ACTR3C: variants seen among roughly 807,000 people sequenced by gnomAD.
ACTR3C encodes the protein actin-related protein 3C.
A neutral mutation model predicts 26.3 loss-of-function variants in ACTR3C; 18 were observed. The observed-to-expected ratio is 0.68, with a 90% CI of 0.47 to 1.01. The LOEUF is 1.01. Among genes scored for constraint, ACTR3C ranks in the 50% least tolerant of loss-of-function variants. The pLI is 0.00. For missense variants in ACTR3C, 184 were observed against 250.7 expected (o/e 0.73, Z 1.80); for synonymous variants, 55 against 94.5 (o/e 0.58, Z 2.42).
At chr7:149,962,354 T>C in the ACTR3C span, among the ~76,000 whole-genome samples, 1 of 152,162 alleles carries the variant, frequency 6.6e-6, no homozygotes, top group Admixed American at 6.5e-5. Context: ...GGCCAGATTG[T>C]GCAAGGCTTC....
the ACTR3C span, among the ~76,000 whole-genome samples, chr7:150,195,837 C>A: frequency 6.6e-6 from 1 of 152,180 alleles, no homozygotes; most frequent in East Asian, 1.9e-4. Context: ...CAAGATCGTG[C>A]CATTGCACTC....
At chr7:149,917,499 T>C in the ACTR3C span, among the ~76,000 whole-genome samples, 1 of 152,194 alleles carries the variant, frequency 6.6e-6, no homozygotes, top group Non-Finnish European at 1.5e-5. Context: ...AATTAACCTA[T>C]TGTTGACTCA....
the ACTR3C span, among the ~76,000 whole-genome samples, chr7:150,096,879 C>G: frequency 1.3e-5 from 2 of 151,832 alleles, no homozygotes; most frequent in African/African-American, 2.4e-5. Flanking sequence ...ATGCAAGGAC[C>G]ATGCCTCCAA....
chr7:150,294,542 A>C lies in ACTR3C; in HGVS notation c.45+710T>G, dbSNP rs191856706. On this transcript the variant is annotated intron_variant, in intron 2 of 7. Coordinates refer to ENST00000683684, the MANE Select transcript of ACTR3C (RefSeq NM_001164458.2). ...AATGAATTTGGAAGTGCTAGAATAC[A>C]TAGATTTCGACACAGGAATGCTCAG... is the stretch of plus-strand genomic sequence containing the variant. Among the ~76,000 whole-genome samples, 28 of 152,356 alleles carry C rather than the reference A, an allele frequency of 1.8e-4. No individual in the cohort carries two copies. In the East Asian group the frequency reaches 5.2e-3, roughly 28 times the overall value.
At chr7:150,086,456 T>C in the ACTR3C span, among the ~76,000 whole-genome samples, 707 of 150,060 alleles carry the variant, frequency 4.7e-3, no homozygotes, top group East Asian at 0.018. Flanking sequence ...CAGTCAGAAA[T>C]TCCCACAGTT....
the ACTR3C span, among the ~76,000 whole-genome samples, chr7:149,982,101 T>A: frequency 6.6e-6 from 1 of 152,134 alleles, no homozygotes; most frequent in Non-Finnish European, 1.5e-5. Context: ...TGGGTGCAGG[T>A]TGGAACACTT....
chr7:150,279,042 C>T (rs1263948595), intron 6 of ACTR3C, among the ~76,000 whole-genome samples: 6 of 152,232 alleles, frequency 3.9e-5, no homozygotes, highest in South Asian at 4.1e-4. Flanking sequence ...CAGTGGTTCA[C>T]GCCTATAATC....
the ACTR3C span, among the ~76,000 whole-genome samples, chr7:149,933,775 G>C: frequency 6.6e-6 from 1 of 152,100 alleles, no homozygotes; most frequent in Non-Finnish European, 1.5e-5. Flanking sequence ...TCAGACTCCA[G>C]GTGTAGAGTT....
chr7:150,289,187 TG>T (rs966132705), intron 4 of ACTR3C, among the ~76,000 whole-genome samples: 1 of 152,080 alleles, frequency 6.6e-6, no homozygotes, highest in Non-Finnish European at 1.5e-5. Context: ...AGGCTCCAGC[TG>T]AACAATGCTG....
chr7:150,045,817 T>C, the ACTR3C span, among the ~76,000 whole-genome samples: 1 of 152,230 alleles, frequency 6.6e-6, no homozygotes, highest in Admixed American at 6.5e-5. Flanking sequence ...TAGCGACACC[T>C]AGAGCCTGTT....
intron 1 of ACTR3C, among the ~76,000 whole-genome samples, chr7:150,320,041 CCTT>C (rs982857648): frequency 1.3e-5 from 2 of 152,218 alleles, no homozygotes; most frequent in Admixed American, 1.3e-4. Flanking sequence ...GTAAGAAACT[CCTT>C]GTTTTAGAGT....
the ACTR3C span, among the ~76,000 whole-genome samples, chr7:149,882,338 G>A: frequency 1.2e-4 from 18 of 152,248 alleles, no homozygotes; most frequent in Admixed American, 9.8e-4. Context: ...CCCGGGATGT[G>A]TGTGGCTGTG....
At chr7:149,928,677 A>C in the ACTR3C span, among the ~76,000 whole-genome samples, 3 of 151,376 alleles carry the variant, frequency 2.0e-5, no homozygotes, top group East Asian at 5.9e-4. Flanking sequence ...CCCCATCTCT[A>C]CTAAAAATAC....
At chr7:150,252,122 G>GTCTC (rs202074514) in intron 6 of ACTR3C, among the ~76,000 whole-genome samples, 2 of 145,974 alleles carry the variant, frequency 1.4e-5, no homozygotes, top group African/African-American at 5.3e-5. Flanking sequence ...TTGTGTATGT[G>GTCTC]TCTGTGTGTG....
chr7:150,265,015 G>A (rs140420271), intron 6 of ACTR3C: 10,055 of 274,248 alleles, frequency 0.037, 39 homozygotes, highest in African/African-American at 0.086. Flanking sequence ...ATAAGGCTCT[G>A]TAATAATTTT....
the ACTR3C span, among the ~76,000 whole-genome samples, chr7:149,893,427 A>T: frequency 6.6e-6 from 1 of 152,212 alleles, no homozygotes; most frequent in Non-Finnish European, 1.5e-5. Context: ...TAATAATAAT[A>T]AAAGTTTACA....
the ACTR3C span, among the ~76,000 whole-genome samples, chr7:149,882,736 G>A: frequency 3.3e-5 from 5 of 152,364 alleles, no homozygotes; most frequent in East Asian, 9.6e-4. Context: ...CACTGACAGG[G>A]GAGAAGCTGA....
intron 1 of ACTR3C, among the ~76,000 whole-genome samples, chr7:150,317,705 T>C (rs762902460): frequency 1.3e-5 from 2 of 151,854 alleles, no homozygotes; most frequent in African/African-American, 2.4e-5. Context: ...ATCTTTGAGG[T>C]TGAGGTGGAT....
At chr7:150,122,402 AC>A in the ACTR3C span, among the ~76,000 whole-genome samples, 1 of 152,240 alleles carries the variant, frequency 6.6e-6, no homozygotes, top group Admixed American at 6.5e-5. Context: ...CAAGAAAAAA[AC>A]AACCCCATCA....
Sources: allele counts gnomAD v4.1 joint callset (sites outside exome capture counted in the v4.1 genomes callset), GRCh38; gene constraint gnomAD v4.1.1; transcripts MANE v1.5; gene names NCBI Gene and HGNC (gene_info 2026-07-23, HGNC 2026-07-21).